LIMS1: variants seen among roughly 807,000 people sequenced by gnomAD.
LIMS1 encodes LIM and senescent cell antigen-like-containing domain protein 1.
In LIMS1, 18 loss-of-function variants were observed where a neutral mutation model predicts 44.1. That is an observed-to-expected ratio of 0.41 (90% CI 0.28 to 0.61). The LOEUF (loss-of-function observed/expected upper bound fraction) is 0.61. Among genes scored for constraint, LIMS1 ranks in the 20% least tolerant of loss-of-function variants. The pLI is 0.32. For synonymous variants in LIMS1, 93 were observed against 149.1 expected (o/e 0.62, Z 2.74); for missense variants, 201 against 422.0 (o/e 0.48, Z 4.59).
At chr2:108,605,633 C>T (rs773793644) in intron 1 of LIMS1, among the ~76,000 whole-genome samples, 6 of 152,120 alleles carry the variant, frequency 3.9e-5, no homozygotes, top group Non-Finnish European at 5.9e-5. Flanking sequence ...TAAGCAGAAA[C>T]ACAAGCAGAA....
intron 1 of LIMS1, among the ~76,000 whole-genome samples, chr2:108,561,959 G>T (rs1192028995): frequency 6.6e-6 from 1 of 151,796 alleles, no homozygotes; most frequent in Non-Finnish European, 1.5e-5. Context: ...GGCCAGAATG[G>T]TCTCAATCTC....
At chr2:108,561,048 GA>G (rs1002928855) in intron 1 of LIMS1, among the ~76,000 whole-genome samples, 3 of 152,138 alleles carry the variant, frequency 2.0e-5, no homozygotes, top group African/African-American at 7.2e-5. Context: ...GTAGCTCAGT[GA>G]AAAAAATCAG....
chr2:108,640,678 C>T (rs1689612518), intron 1 of LIMS1, among the ~76,000 whole-genome samples: 1 of 152,138 alleles, frequency 6.6e-6, no homozygotes, highest in Non-Finnish European at 1.5e-5. Flanking sequence ...AATAATTGTA[C>T]ATATTTATGG....
chr2:108,615,196 A>T (rs957683522), intron 1 of LIMS1, among the ~76,000 whole-genome samples: 1 of 152,196 alleles, frequency 6.6e-6, no homozygotes, highest in Non-Finnish European at 1.5e-5. Flanking sequence ...GAAAATCTGG[A>T]TTTGTGGAAA....
intron 1 of LIMS1, among the ~76,000 whole-genome samples, chr2:108,597,967 C>CA (rs2104708961): frequency 6.6e-6 from 1 of 152,206 alleles, no homozygotes; most frequent in African/African-American, 2.4e-5. Context: ...GGTGGGATTA[C>CA]AGGTGTGAGC....
chr2:108,665,041 A>G (rs1198957793), intron 2 of LIMS1, among the ~76,000 whole-genome samples: 1 of 152,232 alleles, frequency 6.6e-6, no homozygotes, highest in African/African-American at 2.4e-5. Flanking sequence ...GCTGAAACCC[A>G]TAAGGCTCAG....
At chr2:108,582,022 T>G (rs148549371) in intron 1 of LIMS1, among the ~76,000 whole-genome samples, 2 of 152,322 alleles carry the variant, frequency 1.3e-5, no homozygotes, top group East Asian at 3.9e-4. Context: ...ATATTTCAAG[T>G]TGGGGACTTC....
chr2:108,635,343 G>A (rs960625129), intron 1 of LIMS1, among the ~76,000 whole-genome samples: 5 of 148,714 alleles, frequency 3.4e-5, no homozygotes, highest in South Asian at 4.2e-4. Context: ...CAGGAGAATC[G>A]CTTGAACTCG....
intron 1 of LIMS1, among the ~76,000 whole-genome samples, chr2:108,566,933 T>G (rs978368538): frequency 7.9e-5 from 12 of 152,048 alleles, no homozygotes; most frequent in African/African-American, 2.7e-4. Context: ...TTCAGTGGTG[T>G]TAAGTATGTT....
chr2:108,683,530 C>T (rs1280396167), intron 9 of LIMS1, among the ~76,000 whole-genome samples: 1 of 100,654 alleles, frequency 9.9e-6, no homozygotes, highest in Non-Finnish European at 1.9e-5. Context: ...ACAGTCGAGG[C>T]TCTGTTTCCA....
intron 1 of LIMS1, among the ~76,000 whole-genome samples, chr2:108,640,197 G>A (rs1426445619): frequency 2.0e-5 from 3 of 152,154 alleles, no homozygotes; most frequent in Admixed American, 6.5e-5. Flanking sequence ...CATGGAGAAA[G>A]GAGAGAGTGC....
chr2:108,675,786 T>C lies in LIMS1; in HGVS notation c.531-92T>C, dbSNP rs534140655. On this transcript the variant is annotated intron_variant, in intron 5 of 9. Coordinates refer to ENST00000544547, the Ensembl canonical transcript of LIMS1. ...AAATTTGCAGGGATTGTCATAGTAA[T>C]GTCTTTAAAAACCTTCTAAAAAGTG... The C allele has an allele frequency of 6.1e-6, 9 of 1,484,744 alleles. No homozygotes were observed. The East Asian group carries it at 2.0e-4, about 34-fold the overall frequency. The allele number at this position is 1,484,744 out of a possible 1,614,324, so 92.0% of individuals were successfully genotyped here. A position where few individuals can be genotyped will look rare whatever the true frequency, so the allele number is the denominator to read the frequency against.
intron 1 of LIMS1, among the ~76,000 whole-genome samples, chr2:108,605,791 A>G (rs1687240933): frequency 6.6e-6 from 1 of 152,358 alleles, no homozygotes; most frequent in East Asian, 1.9e-4. Flanking sequence ...TTGGAAAGAA[A>G]AGAAGTCAGA....
At chr2:108,587,287 GGTTT>G (rs1380967225) in intron 1 of LIMS1, among the ~76,000 whole-genome samples, 33 of 111,820 alleles carry the variant, frequency 3.0e-4, no homozygotes, top group African/African-American at 5.3e-4. Context: ...GTTTTCTTGG[GGTTT>G]GTGTGTGTGT....
At chr2:108,650,290 C>T (rs1353952838) in intron 1 of LIMS1, among the ~76,000 whole-genome samples, 1 of 152,196 alleles carries the variant, frequency 6.6e-6, no homozygotes, top group Non-Finnish European at 1.5e-5. Context: ...TAAACCACTC[C>T]CTTGTCCTCT....
intron 1 of LIMS1, among the ~76,000 whole-genome samples, chr2:108,583,895 T>C (rs1407702028): frequency 1.3e-5 from 2 of 152,038 alleles, no homozygotes; most frequent in African/African-American, 2.4e-5. Flanking sequence ...GGTTTCACCA[T>C]GTTGGCCAGG....
intron 1 of LIMS1, among the ~76,000 whole-genome samples, chr2:108,586,342 G>T (rs1686104467): frequency 6.6e-6 from 1 of 152,194 alleles, no homozygotes; most frequent in South Asian, 2.1e-4. Context: ...GGGGGAAAGA[G>T]CCCAAAAAGA....
intron 1 of LIMS1, among the ~76,000 whole-genome samples, chr2:108,597,589 C>G (rs1194757206): frequency 6.6e-6 from 1 of 151,938 alleles, no homozygotes; most frequent in African/African-American, 2.4e-5. Flanking sequence ...GTGAAAGAGA[C>G]AGAGGCACAC....
chr2:108,611,836 A>AATATATAAATATATATATAT (rs1553459742), intron 1 of LIMS1, among the ~76,000 whole-genome samples: 1 of 130,988 alleles, frequency 7.6e-6, no homozygotes, highest in Admixed American at 8.5e-5. Flanking sequence ...CATGATCTAA[A>AATATATAAATATATATATAT]ATATATATAT....
Sources: allele counts gnomAD v4.1 joint callset (sites outside exome capture counted in the v4.1 genomes callset), GRCh38; gene constraint gnomAD v4.1.1; transcripts MANE v1.5; gene names NCBI Gene and HGNC (gene_info 2026-07-23, HGNC 2026-07-21).